The following ELMOD1 variants were observed in gnomAD, a reference collection of about 807,000 sequenced individuals.
ELMOD1 encodes ELMO domain-containing protein 1.
In ELMOD1, 21 loss-of-function variants were observed where a neutral mutation model predicts 46.7. That is an observed-to-expected ratio of 0.45 (90% CI 0.32 to 0.65). ELMOD1 has a LOEUF of 0.65. ELMOD1 is among the 30% of genes least tolerant of loss of function. ELMOD1 has a pLI of 0.04. For synonymous variants in ELMOD1, 122 were observed against 138.2 expected (o/e 0.88, Z 0.82); for missense variants, 348 against 407.8 (o/e 0.85, Z 1.26).
intron 2 of ELMOD1, among the ~76,000 whole-genome samples, chr11:107,622,894 G>A (rs1865974259): frequency 1.3e-5 from 2 of 152,096 alleles, no homozygotes; most frequent in Non-Finnish European, 2.9e-5. Context: ...ATACATGTAT[G>A]AGGTATATTT....
chr11:107,644,913 TG>T (rs777003110), intron 6 of ELMOD1, among the ~76,000 whole-genome samples: 6,464 of 147,170 alleles, frequency 0.044, 428 homozygotes, highest in African/African-American at 0.14. Flanking sequence ...AAAGGGTTTT[TG>T]TTTTTGTTTT....
intron 1 of ELMOD1, chr11:107,600,656 C>T (rs1294177409): frequency 6.5e-6 from 1 of 152,896 alleles, no homozygotes; most frequent in Non-Finnish European, 1.5e-5. Context: ...AGCTAATGAG[C>T]ATACATCACG....
At chr11:107,649,971 C>T (rs1055536669) in intron 7 of ELMOD1, among the ~76,000 whole-genome samples, 1 of 152,188 alleles carries the variant, frequency 6.6e-6, no homozygotes, top group Non-Finnish European at 1.5e-5. Flanking sequence ...CATCATGTCC[C>T]TCACCGAGGC....
intron 1 of ELMOD1, among the ~76,000 whole-genome samples, chr11:107,601,855 A>G (rs1865605526): frequency 1.3e-5 from 2 of 151,736 alleles, no homozygotes; most frequent in Non-Finnish European, 2.9e-5. Flanking sequence ...TTTTTTTTTG[A>G]AGACATCTTT....
At chr11:107,597,040 A>G (rs541757957) in intron 1 of ELMOD1, among the ~76,000 whole-genome samples, 29 of 152,322 alleles carry the variant, frequency 1.9e-4, no homozygotes, top group Middle Eastern at 3.4e-3. Context: ...AGCTACATCC[A>G]AAGAATGTTC....
chr11:107,629,240 T>G (rs1354760381), intron 2 of ELMOD1, among the ~76,000 whole-genome samples: 1 of 152,226 alleles, frequency 6.6e-6, no homozygotes, highest in Non-Finnish European at 1.5e-5. Flanking sequence ...AAGGTTTTGA[T>G]TCTTTTTCAG....
At chr11:107,592,645 T>C (rs1026900377) in intron 1 of ELMOD1, 12 of 283,140 alleles carry the variant, frequency 4.2e-5, no homozygotes, top group Middle Eastern at 1.0e-3. Flanking sequence ...CACACTCTTG[T>C]ATCTACATTG....
chr11:107,605,358 C>A (rs1460007082), intron 1 of ELMOD1, among the ~76,000 whole-genome samples: 7 of 152,028 alleles, frequency 4.6e-5, no homozygotes, highest in Non-Finnish European at 7.4e-5. Flanking sequence ...TGCCACCATG[C>A]CTGGCTAAGT....
chr11:107,622,342 G>A (rs1865964882), intron 2 of ELMOD1, among the ~76,000 whole-genome samples: 1 of 152,148 alleles, frequency 6.6e-6, no homozygotes, highest in Admixed American at 6.5e-5. Flanking sequence ...GTGAGTAGAA[G>A]ACAAGTTGCA....
chr11:107,598,537 C>T (rs1188564364), intron 1 of ELMOD1, among the ~76,000 whole-genome samples: 1 of 152,196 alleles, frequency 6.6e-6, no homozygotes, highest in African/African-American at 2.4e-5. Context: ...ACAGAGAATT[C>T]ACCATCACAG....
intron 2 of ELMOD1, among the ~76,000 whole-genome samples, chr11:107,621,833 C>T (rs1474391692): frequency 6.6e-6 from 1 of 152,048 alleles, no homozygotes; most frequent in African/African-American, 2.4e-5. Flanking sequence ...TCAAGACCAG[C>T]CTGGCCAACA....
rs1158051894 is a variant in ELMOD1 at position 107,654,138 on chromosome 11, T to G, written c.648-34T>G. ...GAACAAGTACCAATTAGAGGTTAAA[T>G]CTGACTTACTTACTTATTCATTCAT... On this transcript the variant is annotated intron_variant, in intron 9 of 11. Coordinates refer to ENST00000265840, the MANE Select transcript of ELMOD1 (RefSeq NM_018712.4). The G allele has an allele frequency of 1.9e-6, 3 of 1,547,350 alleles. No individual in the cohort carries two copies. The South Asian group carries it at 3.6e-5, about 18-fold the overall frequency.
intron 6 of ELMOD1, 99 bp downstream of exon 6, chr11:107,635,864 A>G (rs1866221350): frequency 7.9e-7 from 1 of 1,269,492 alleles, no homozygotes; most frequent in Non-Finnish European, 1.1e-6. Context: ...CAGGGGTACA[A>G]AGATGGATCA....
intron 1 of ELMOD1, among the ~76,000 whole-genome samples, chr11:107,598,780 C>T (rs1865537726): frequency 6.6e-6 from 1 of 152,204 alleles, no homozygotes. Context: ...TGGGCCAGTT[C>T]TGTGTCAGCA....
At chr11:107,609,172 A>G (rs1178567799) in intron 1 of ELMOD1, among the ~76,000 whole-genome samples, 2 of 152,378 alleles carry the variant, frequency 1.3e-5, no homozygotes, top group South Asian at 4.1e-4. Flanking sequence ...TGCCTGGCAC[A>G]TAATAAGTAC....
chr11:107,598,610 G>C (rs597383), intron 1 of ELMOD1, among the ~76,000 whole-genome samples: 21,123 of 152,222 alleles, frequency 0.14, 1,968 homozygotes, highest in African/African-American at 0.27. Context: ...GTGCCAGATG[G>C]TTCCTTTCCC....
chr11:107,601,207 A>AAATCCT (rs1040488298), intron 1 of ELMOD1, among the ~76,000 whole-genome samples: 25 of 152,036 alleles, frequency 1.6e-4, no homozygotes, highest in Non-Finnish European at 1.2e-4. Flanking sequence ...ACAGAAGTGA[A>AAATCCT]AATTTAACTT....
chr11:107,644,906 G>GC (rs1866394551), intron 6 of ELMOD1, among the ~76,000 whole-genome samples: 1 of 126,384 alleles, frequency 7.9e-6, no homozygotes, highest in Admixed American at 7.6e-5. Flanking sequence ...AGTTCCTAAA[G>GC]GGTTTTTGTT....
chr11:107,637,559 A>T (rs1866250039), intron 6 of ELMOD1, among the ~76,000 whole-genome samples: 1 of 151,998 alleles, frequency 6.6e-6, no homozygotes, highest in Non-Finnish European at 1.5e-5. Context: ...CAGGCATAGT[A>T]GCAGATGCCT....
Sources: gnomAD v4.1 joint callset for allele counts (sites outside exome capture counted in the v4.1 genomes callset) on GRCh38, gnomAD v4.1.1 for gene constraint, MANE v1.5 for transcripts, NCBI Gene and HGNC (gene_info 2026-07-23, HGNC 2026-07-21) for gene names.